TBXAS1: variants seen among roughly 807,000 people sequenced by gnomAD.
The protein encoded by TBXAS1 is thromboxane-A synthase.
A neutral mutation model predicts 60.7 loss-of-function variants in TBXAS1; 48 were observed. That is an observed-to-expected ratio of 0.79 (90% CI 0.63 to 1.01). The LOEUF (loss-of-function observed/expected upper bound fraction) is 1.01. Among genes scored for constraint, TBXAS1 ranks in the 50% least tolerant of loss-of-function variants. TBXAS1 has a pLI of 0.00. For missense variants in TBXAS1, 685 were observed against 686.3 expected (o/e 1.00, Z 0.02); for synonymous variants, 287 against 269.7 (o/e 1.06, Z -0.63).
chr7:139,981,803 G>A (rs915869982), intron 9 of TBXAS1, among the ~76,000 whole-genome samples: 2 of 152,226 alleles, frequency 1.3e-5, no homozygotes, highest in Non-Finnish European at 2.9e-5. Context: ...GTTTGTGGCT[G>A]CAGCATCCAG....
rs1018124241 is a variant in TBXAS1, at chr7:140,017,620, G to A, written c.1365-51G>A. ...GGCTCAGCTGGAGCACAGGGCTGCA[G>A]AGGGGAGGGAGCGGGTGTTCTGGGC... On this transcript the variant is annotated intron_variant, in intron 11 of 12. Transcript: ENST00000448866. 5 of 1,607,270 alleles carry A rather than the reference G, an allele frequency of 3.1e-6. No homozygotes were observed. In the African/African-American group the frequency reaches 6.7e-5, roughly 21 times the overall value.
intron 4 of TBXAS1, among the ~76,000 whole-genome samples, chr7:139,799,675 T>C (rs1797667436): frequency 6.6e-6 from 1 of 152,190 alleles, no homozygotes; most frequent in South Asian, 2.1e-4. Context: ...TGCCAAATTT[T>C]TCTTCAAATG....
intron 4 of TBXAS1, among the ~76,000 whole-genome samples, chr7:139,927,742 G>GT (rs1256683971): frequency 6.6e-6 from 1 of 152,016 alleles, no homozygotes; most frequent in African/African-American, 2.4e-5. Flanking sequence ...TTAGTCAAAT[G>GT]TTTTTGTAGG....
chr7:140,016,156 A>G (rs10231035), intron 11 of TBXAS1, among the ~76,000 whole-genome samples: 17,036 of 151,868 alleles, frequency 0.11, 1,141 homozygotes, highest in African/African-American at 0.17. Context: ...GTGAAACCCC[A>G]TCTCTACTAA....
At chr7:139,804,656 G>T (rs1288390716) in intron 4 of TBXAS1, among the ~76,000 whole-genome samples, 3 of 152,108 alleles carry the variant, frequency 2.0e-5, no homozygotes, top group Non-Finnish European at 4.4e-5. Flanking sequence ...AAACATGGGG[G>T]TGGGTTTTTC....
chr7:140,008,534 G>A (rs1814277179), intron 10 of TBXAS1, among the ~76,000 whole-genome samples: 1 of 140,282 alleles, frequency 7.1e-6, no homozygotes, highest in East Asian at 2.1e-4. Flanking sequence ...TGAAACTTCT[G>A]CCTCTTGGGT....
intron 3 of TBXAS1, among the ~76,000 whole-genome samples, chr7:139,888,418 C>T (rs913335042): frequency 1.1e-4 from 16 of 152,234 alleles, no homozygotes; most frequent in African/African-American, 3.9e-4. Flanking sequence ...TGGAACTGAC[C>T]CTTCGATCTC....
chr7:139,814,577 G>C (rs1471523071), intron 4 of TBXAS1, among the ~76,000 whole-genome samples: 2 of 152,136 alleles, frequency 1.3e-5, no homozygotes, highest in Admixed American at 6.5e-5. Context: ...TAGTTCTCTG[G>C]AGTTCCAATG....
At chr7:139,814,272 A>T (rs1798095037) in intron 4 of TBXAS1, among the ~76,000 whole-genome samples, 2 of 152,122 alleles carry the variant, frequency 1.3e-5, no homozygotes, top group African/African-American at 4.8e-5. Flanking sequence ...CATGGTTCCA[A>T]CCCTCACCCT....
At chr7:139,822,529 A>T (rs1190491351) in intron 4 of TBXAS1, among the ~76,000 whole-genome samples, 1 of 152,148 alleles carries the variant, frequency 6.6e-6, no homozygotes, top group Non-Finnish European at 1.5e-5. Flanking sequence ...TCTCCCGAGC[A>T]TCTTAATCTG....
At chr7:139,949,212 C>G (rs1167749189) in intron 5 of TBXAS1, among the ~76,000 whole-genome samples, 3 of 152,148 alleles carry the variant, frequency 2.0e-5, no homozygotes, top group Admixed American at 2.0e-4. Flanking sequence ...ACAGGGCATG[C>G]CTCTGAAGAG....
chr7:140,007,836 G>A (rs1814211093), intron 10 of TBXAS1, among the ~76,000 whole-genome samples: 1 of 152,138 alleles, frequency 6.6e-6, no homozygotes, highest in African/African-American at 2.4e-5. Flanking sequence ...ACACATATCT[G>A]CCACTCCATG....
chr7:139,924,647 GT>G (rs551128584), intron 4 of TBXAS1, among the ~76,000 whole-genome samples: 84 of 152,230 alleles, frequency 5.5e-4, no homozygotes, highest in Non-Finnish European at 8.1e-4. Context: ...CTGTGCAGAA[GT>G]TTTTTAACTT....
At chr7:139,870,868 C>T (rs1378065604) in intron 1 of TBXAS1, among the ~76,000 whole-genome samples, 3 of 152,132 alleles carry the variant, frequency 2.0e-5, no homozygotes, top group Admixed American at 6.6e-5. Context: ...GCAGGAGGAC[C>T]GCTTGAGGCC....
chr7:139,793,835 A>C (rs1419017966), intron 4 of TBXAS1, among the ~76,000 whole-genome samples: 1 of 152,224 alleles, frequency 6.6e-6, no homozygotes, highest in Non-Finnish European at 1.5e-5. Flanking sequence ...CCAAGTGTTG[A>C]GACCAATCTG....
intron 1 of TBXAS1, among the ~76,000 whole-genome samples, chr7:139,842,771 C>T (rs902501271): frequency 2.6e-5 from 4 of 152,208 alleles, no homozygotes; most frequent in Non-Finnish European, 5.9e-5. Context: ...CCCTGGCCCG[C>T]GCTGTGGGGC....
At chr7:139,984,662 G>GAAAGAAAGAAAGAAAGAAAGAAA (rs1812249944) in intron 9 of TBXAS1, among the ~76,000 whole-genome samples, 1 of 120,580 alleles carries the variant, frequency 8.3e-6, no homozygotes, top group African/African-American at 3.0e-5. Context: ...AAGGGAAGGG[G>GAAAGAAAGAAAGAAAGAAAGAAA]GAAAGAAAGA....
intron 1 of TBXAS1, among the ~76,000 whole-genome samples, chr7:139,833,942 TACCTTGGAACAA>T (rs1798892928): frequency 6.6e-6 from 1 of 152,078 alleles, no homozygotes; most frequent in Admixed American, 6.5e-5. Flanking sequence ...ATTTAAACTA[TACCTTGGAACAA>T]ATGGACCTAA....
intron 9 of TBXAS1, among the ~76,000 whole-genome samples, chr7:139,986,755 ATGTGTGTGTG>A (rs72102720): frequency 2.5e-5 from 2 of 79,744 alleles, no homozygotes; most frequent in Non-Finnish European, 4.6e-5. Flanking sequence ...ATATATATAT[ATGTGTGTGTG>A]TGTGTGTGTG....
Sources: allele counts gnomAD v4.1 joint callset (sites outside exome capture counted in the v4.1 genomes callset), GRCh38; gene constraint gnomAD v4.1.1; transcripts MANE v1.5; gene names NCBI Gene and HGNC (gene_info 2026-07-23, HGNC 2026-07-21).